Variants in HMCN1 observed in about 807,000 individuals in gnomAD.
The protein encoded by HMCN1 is hemicentin 1.
HMCN1 carries 321 observed loss-of-function variants against 625.9 expected under a neutral mutation model. That is an observed-to-expected ratio of 0.51 (90% CI 0.47 to 0.56). The LOEUF is 0.56. Among genes scored for constraint, HMCN1 ranks in the 20% least tolerant of loss-of-function variants. The pLI is 0.00. For synonymous variants in HMCN1, 2,425 were observed against 2,417.6 expected, an observed-to-expected ratio of 1.00 and a Z score of -0.09; for missense variants, 6,588 against 6,887.3, an observed-to-expected ratio of 0.96 and a Z score of 1.54.
At chr1:185,802,766 C>T (rs117974533) in intron 1 of HMCN1, among the ~76,000 whole-genome samples, 3 of 152,082 alleles carry the variant, frequency 2.0e-5, no homozygotes, top group East Asian at 3.9e-4. Flanking sequence ...CCAGACTTAA[C>T]TAAAATTGAA....
At chr1:185,880,086 G>T (rs1024419939) in intron 4 of HMCN1, among the ~76,000 whole-genome samples, 5 of 152,264 alleles carry the variant, frequency 3.3e-5, no homozygotes, top group African/African-American at 1.2e-4. Flanking sequence ...GCAGGATAAT[G>T]AATAACTTTC....
At chr1:186,073,517 A>C (rs1265465748) in intron 52 of HMCN1, among the ~76,000 whole-genome samples, 1 of 152,148 alleles carries the variant, frequency 6.6e-6, no homozygotes, top group Non-Finnish European at 1.5e-5. Flanking sequence ...GAAAGAAATA[A>C]GTTAATGATG....
At chr1:185,988,004 A>T (rs1652125068) in intron 20 of HMCN1, among the ~76,000 whole-genome samples, 1 of 152,222 alleles carries the variant, frequency 6.6e-6, no homozygotes, top group Non-Finnish European at 1.5e-5. Context: ...TATGAGATGT[A>T]AAGTGCTTAG....
In HMCN1 at chr1:186,061,958, G is replaced by C. The variant is rs771535572; in HGVS notation, c.7420G>C (p.Val2474Leu). 1 of 1,582,882 alleles carries C rather than the reference G, an allele frequency of 6.3e-7. No individual in the cohort carries two copies. The highest frequency in any genetic ancestry group is 1.3e-5 in the African/African-American group (1 of 74,082). Residue 2474 changes from valine (V) to leucine (L), a missense_variant, in exon 47 of 107, where the codon GTA becomes CTA. Val to Leu is a conservative substitution (Grantham distance 32, BLOSUM62 1). Around this residue, in one of 3 missense-constraint regions of HMCN1, gnomAD observed 4,628 missense variants for 4,853.1 expected, o/e 0.95. Coordinates refer to ENST00000271588, the MANE Select transcript of HMCN1 (RefSeq NM_031935.3). ...GEERKIFGLS[V>L]LVPPHIVGEN... Reference sequence around the variant, plus strand: ...AGAAAGAAAAATCTTTGGGCTTTCAGTATTAGGTACTTATATAGTTTGCAA... The same window carrying C: ...AGAAAGAAAAATCTTTGGGCTTTCACTATTAGGTACTTATATAGTTTGCAA...
At chr1:185,923,881 A>AT (rs1171583577) in intron 8 of HMCN1, among the ~76,000 whole-genome samples, 1 of 152,210 alleles carries the variant, frequency 6.6e-6, no homozygotes, top group Non-Finnish European at 1.5e-5. Flanking sequence ...GAGAATTTTG[A>AT]TTAGTCAGTG....
chr1:185,930,423 C>T (rs904586349), intron 10 of HMCN1, among the ~76,000 whole-genome samples: 2 of 152,124 alleles, frequency 1.3e-5, no homozygotes, highest in South Asian at 4.1e-4. Flanking sequence ...TCAGCCACCC[C>T]ACTGTAACTA....
At chr1:186,165,273 T>A in intron 98 of HMCN1, 100 bp downstream of exon 98, 1 of 1,009,188 alleles carries the variant, frequency 9.9e-7, no homozygotes, top group East Asian at 2.5e-5. Context: ...GTATTTAATC[T>A]TCACAACAGT....
intron 36 of HMCN1, among the ~76,000 whole-genome samples, chr1:186,031,002 A>G (rs1655396818): frequency 6.6e-6 from 1 of 151,964 alleles, no homozygotes; most frequent in South Asian, 2.1e-4. Flanking sequence ...TTACTGCTTT[A>G]TATTATCATC....
In HMCN1 at chr1:185,864,721, AATAATT is replaced by A. The variant is rs1292503778; in HGVS notation, c.498+98_498+103del. ...GACTCTTCCATGTGTGGTCAATAACAATAATTATAACTATCTATCCACATGTATGTT... is the reference window on the plus strand; with the variant it reads ...GACTCTTCCATGTGTGGTCAATAACAATAACTATCTATCCACATGTATGTT... On this transcript the variant is annotated intron_variant, in intron 3 of 106. Transcript: ENST00000271588. 6.3e-6 allele frequency: 7 copies of A among 1,114,822 alleles called. No individual in the cohort carries two copies. The Admixed American group carries it at 1.2e-4, about 18-fold the overall frequency. The allele number at this position is 1,114,822 out of a possible 1,614,324, so 69.1% of individuals were successfully genotyped here.
Position 186,114,174 on chromosome 1 carries a change from C to T in HMCN1, c.11276+51C>T, listed in dbSNP as rs141826941. 4.4e-6 allele frequency: 7 copies of T among 1,603,750 alleles called. No homozygotes were observed. In the East Asian group the frequency reaches 1.6e-4, roughly 36 times the overall value. ...TGCTATAAGACCTGAAATACAAATTCTTAATTTTTTTTCCTAGTGCACTAT... is the reference window on the plus strand; with the variant it reads ...TGCTATAAGACCTGAAATACAAATTTTTAATTTTTTTTCCTAGTGCACTAT... On this transcript the variant is annotated intron_variant, in intron 73 of 106. Coordinates refer to ENST00000271588, the MANE Select transcript of HMCN1 (RefSeq NM_031935.3).
At chr1:186,127,668 C>T (rs1661712838) in intron 82 of HMCN1, among the ~76,000 whole-genome samples, 1 of 152,096 alleles carries the variant, frequency 6.6e-6, no homozygotes, top group South Asian at 2.1e-4. Context: ...GGTAATAGTG[C>T]CCTTTCTCTT....
intron 4 of HMCN1, among the ~76,000 whole-genome samples, chr1:185,893,037 A>G (rs1482094419): frequency 2.6e-5 from 4 of 152,156 alleles, no homozygotes; most frequent in Admixed American, 2.0e-4. Context: ...AGCAGGTCGG[A>G]AAAGCGCAGT....
At chr1:185,952,599 T>C (rs1383758626) in intron 11 of HMCN1, among the ~76,000 whole-genome samples, 1 of 151,740 alleles carries the variant, frequency 6.6e-6, no homozygotes, top group Non-Finnish European at 1.5e-5. Flanking sequence ...GATGGAAAAA[T>C]TTTAAGTGCC....
chr1:185,876,812 T>A (rs1258309831), intron 4 of HMCN1, among the ~76,000 whole-genome samples: 1 of 152,046 alleles, frequency 6.6e-6, no homozygotes, highest in Non-Finnish European at 1.5e-5. Flanking sequence ...TGGATGTTAG[T>A]CCTTTGTCAG....
intron 4 of HMCN1, among the ~76,000 whole-genome samples, chr1:185,892,783 C>G (rs1319356970): frequency 2.0e-5 from 3 of 152,154 alleles, no homozygotes; most frequent in Admixed American, 6.5e-5. Context: ...TGCCCTGCCC[C>G]CAGAGGTGGA....
chr1:186,171,598 T>C, intron 101 of HMCN1, 148 bp downstream of exon 101: 1 of 639,822 alleles, frequency 1.6e-6, no homozygotes. Flanking sequence ...AAAACCAAAA[T>C]GACAAAAAAT....
chr1:185,921,251 G>GT (rs1204956845), intron 6 of HMCN1, among the ~76,000 whole-genome samples: 1 of 152,102 alleles, frequency 6.6e-6, no homozygotes, highest in Non-Finnish European at 1.5e-5. Context: ...ATGATGATGG[G>GT]TTTTTTTCTT....
intron 1 of HMCN1, among the ~76,000 whole-genome samples, chr1:185,811,632 G>A (rs1407271433): frequency 5.9e-5 from 9 of 151,782 alleles, no homozygotes. Context: ...GAGGTGTGTG[G>A]ATTTGTTGGT....
intron 15 of HMCN1, among the ~76,000 whole-genome samples, chr1:185,975,620 C>T (rs1000058419): frequency 1.3e-5 from 2 of 152,066 alleles, no homozygotes; most frequent in Non-Finnish European, 2.9e-5. Context: ...AATAAGCAAG[C>T]TATGAGCTAT....
Sources: allele counts gnomAD v4.1 joint callset (sites outside exome capture counted in the v4.1 genomes callset), GRCh38; gene constraint gnomAD v4.1.1; regional missense constraint gnomAD v4.1.1; transcripts MANE v1.5; gene names NCBI Gene and HGNC (gene_info 2026-07-23, HGNC 2026-07-21).